DEPDC4: variants seen among roughly 807,000 people sequenced by gnomAD.
DEPDC4 encodes the protein DEP domain containing 4.
In DEPDC4, 52 loss-of-function variants were observed where a neutral mutation model predicts 52.0. That is an observed-to-expected ratio of 1.00 (90% CI 0.80 to 1.26). DEPDC4 has a LOEUF of 1.26. Ranked by LOEUF, DEPDC4 falls within the 50% of genes most tolerant of loss-of-function variation. DEPDC4 has a pLI of 0.00. For missense variants in DEPDC4, 530 were observed against 546.9 expected (o/e 0.97, Z 0.31); for synonymous variants, 201 against 196.8 (o/e 1.02, Z -0.18).
Position 100,252,403 on chromosome 12 carries a change from C to A in DEPDC4, c.1239G>T (p.Leu413Phe), listed in dbSNP as rs781348530. ...AMASEPNAYK[L>F]QKQYDNKTVV... Reference sequence around the variant, plus strand: ...TTGCAAAATTTTTCACCTGTTTTTGCAACTTGTAGGCATTGGGCTCTGATG... The same window carrying A: ...TTGCAAAATTTTTCACCTGTTTTTGAAACTTGTAGGCATTGGGCTCTGATG... Residue 413 changes from leucine to phenylalanine, a missense_variant, in exon 6 of 10, where the codon TTG (leucine) becomes TTT (phenylalanine). Coordinates refer to ENST00000550587, the MANE Select transcript of DEPDC4 (RefSeq NM_001364818.2). The A allele has an allele frequency of 1.9e-6, 3 of 1,558,060 alleles. No homozygotes were observed. Among genetic ancestry groups the A allele is most frequent in the Non-Finnish European group, 1.7e-6 (2 of 1,161,288 alleles).
chr12:100,235,231 A>G (rs1180913086), downstream of DEPDC4, among the ~76,000 whole-genome samples: 1 of 151,994 alleles, frequency 6.6e-6, no homozygotes, highest in African/African-American at 2.4e-5. Flanking sequence ...CTATTTCTAA[A>G]CTATATTTTA....
Position 100,241,639 on chromosome 12 carries a change from T to C in DEPDC4, c.*253A>G. 8.6e-7 allele frequency: 1 copy of C among 1,160,072 alleles called. No individual in the cohort carries two copies. The highest frequency in any genetic ancestry group is 1.1e-6 in the Non-Finnish European group (1 of 919,500). The allele number at this position is 1,160,072 out of a possible 1,614,324, so 71.9% of individuals were successfully genotyped here. On this transcript the variant is annotated 3_prime_UTR_variant, in exon 10 of 10. Coordinates refer to ENST00000550587, the MANE Select transcript of DEPDC4 (RefSeq NM_001364818.2). ...AAAACCACCAGAGAATTGTTTATATTTACAAATTGTAGTTTCTTGTATCAG... is the reference window on the plus strand; with the variant it reads ...AAAACCACCAGAGAATTGTTTATATCTACAAATTGTAGTTTCTTGTATCAG...
chr12:100,256,081 G>T lies in DEPDC4; in HGVS notation c.846C>A (p.Asp282Glu). 6.2e-7 allele frequency: 1 copy of T among 1,612,468 alleles called. No individual in the cohort carries two copies. The highest frequency in any genetic ancestry group is 2.2e-5 in the East Asian group (1 of 44,710). ...EDLVITNTCL[D>E]RELIPSLCLP... ...GACATAAGCTTGGAATAAGTTCTCT[G>T]TCTAGGCAAGTGTTAGTGATAACAA... The change falls in exon 4 of 10, where the codon GAC becomes GAA. Residue 282 changes from aspartate to glutamate, a missense_variant. Asp to Glu is a conservative substitution (Grantham distance 45, BLOSUM62 2). Coordinates refer to ENST00000550587, the MANE Select transcript of DEPDC4 (RefSeq NM_001364818.2).
chr12:100,253,445 T>A, intron 5 of DEPDC4, 44 bp downstream of exon 5: 2 of 849,318 alleles, frequency 2.4e-6, no homozygotes, highest in Non-Finnish European at 3.2e-6. Flanking sequence ...TATTTTAAAA[T>A]GTTTTATTAC....
intron 8 of DEPDC4, among the ~76,000 whole-genome samples, chr12:100,244,261 A>G (rs1389846274): frequency 8.6e-5 from 13 of 151,106 alleles, no homozygotes; most frequent in Non-Finnish European, 1.8e-4. Context: ...GCTCACTGCA[A>G]GCTCTGCCTC....
intron 1 of DEPDC4, among the ~76,000 whole-genome samples, chr12:100,264,339 A>G (rs10732235): frequency 0.64 from 96,787 of 152,018 alleles, 32,894 homozygotes; most frequent in East Asian, 0.99. Flanking sequence ...ATCAAGGCAA[A>G]GAACTAAATA....
downstream of DEPDC4, among the ~76,000 whole-genome samples, chr12:100,238,640 T>G (rs911213873): frequency 6.6e-6 from 1 of 150,464 alleles, no homozygotes; most frequent in South Asian, 2.1e-4. Flanking sequence ...CACCCACCAC[T>G]GTACCTGGCT....
chr12:100,265,989 C>A (rs2096271191), intron 1 of DEPDC4, among the ~76,000 whole-genome samples: 1 of 152,138 alleles, frequency 6.6e-6, no homozygotes, highest in Non-Finnish European at 1.5e-5. Flanking sequence ...TATCTAATTT[C>A]AGACCATTGC....
chr12:100,232,379 G>C (rs1350107098), intron 9 of DEPDC4, among the ~76,000 whole-genome samples: 2 of 145,684 alleles, frequency 1.4e-5, no homozygotes, highest in South Asian at 4.4e-4. Context: ...CTGGGCGACA[G>C]AGCAAGACTC....
chr12:100,272,971 T>C, the DEPDC4 span, among the ~76,000 whole-genome samples: 4 of 152,320 alleles, frequency 2.6e-5, no homozygotes, highest in Admixed American at 6.5e-5. Context: ...CTTGACCATA[T>C]TTCCTTTATT....
intron 9 of DEPDC4, among the ~76,000 whole-genome samples, chr12:100,231,704 G>A (rs960035377): frequency 6.6e-5 from 10 of 152,246 alleles, no homozygotes; most frequent in African/African-American, 2.2e-4. Flanking sequence ...TAGCATCCTT[G>A]AGCCATCTTT....
At chr12:100,281,001 T>C in the DEPDC4 span, among the ~76,000 whole-genome samples, 2 of 150,870 alleles carry the variant, frequency 1.3e-5, no homozygotes, top group Non-Finnish European at 3.0e-5. Flanking sequence ...TGTATTTTAT[T>C]GTCCCTTTAC....
chr12:100,247,109 A>G (rs11110313), intron 8 of DEPDC4, among the ~76,000 whole-genome samples: 53,077 of 151,722 alleles, frequency 0.35, 10,785 homozygotes, highest in African/African-American at 0.54. Context: ...AAGCTATTTA[A>G]GGAAAAATAT....
intron 3 of DEPDC4, 28 bp downstream of exon 3, chr12:100,262,236 T>A (rs2096255988): frequency 6.3e-7 from 1 of 1,594,838 alleles, no homozygotes; most frequent in Non-Finnish European, 8.5e-7. Context: ...CCTTACCATG[T>A]TCTGAAAAAA....
upstream of DEPDC4, among the ~76,000 whole-genome samples, chr12:100,270,900 C>A (rs894506060): frequency 1.3e-5 from 2 of 151,734 alleles, no homozygotes; most frequent in Non-Finnish European, 2.9e-5. Flanking sequence ...CTAGTAGGTA[C>A]CCAATAATTT....
chr12:100,243,695 T>C (rs973981259), intron 8 of DEPDC4, among the ~76,000 whole-genome samples: 5 of 152,054 alleles, frequency 3.3e-5, no homozygotes, highest in Admixed American at 2.0e-4. Context: ...CAGATCAGTA[T>C]GCTAAAATCT....
the DEPDC4 span, among the ~76,000 whole-genome samples, chr12:100,281,466 G>A: frequency 3.6e-3 from 544 of 152,192 alleles, 5 homozygotes; most frequent in African/African-American, 0.012. Flanking sequence ...CAAGATGGGA[G>A]GATCACTTGA....
chr12:100,246,767 TC>T (rs2096187370), intron 8 of DEPDC4, among the ~76,000 whole-genome samples: 1 of 152,068 alleles, frequency 6.6e-6, no homozygotes, highest in Non-Finnish European at 1.5e-5. Context: ...GGAAACCCTG[TC>T]TCTACCTAAA....
At position 100,263,571 on chromosome 12, in the gene DEPDC4, A is replaced by C. The variant is rs1271978798; in HGVS notation, c.480T>G (p.Phe160Leu). 6.2e-7 allele frequency: 1 copy of C among 1,611,884 alleles called. No individual in the cohort carries two copies. Among genetic ancestry groups the C allele is most frequent in the Non-Finnish European group, 8.5e-7 (1 of 1,179,448 alleles). ...FEDSNISLYRFLGNKSSYDCC... is the reference protein window; with the variant it reads ...FEDSNISLYRLLGNKSSYDCC... ...AATCGTAAGATGATTTATTGCCTAG[A>C]AACCTGTAGAGACTAATGTTGGAAT... The change falls in exon 2 of 10, where the codon TTT (phenylalanine) becomes TTG (leucine). Residue 160 changes from phenylalanine to leucine, a missense_variant. Physicochemically the swap from Phe to Leu is conservative, Grantham distance 22. Transcript: ENST00000550587.
Sources: allele counts gnomAD v4.1 joint callset (sites outside exome capture counted in the v4.1 genomes callset), GRCh38; gene constraint gnomAD v4.1.1; transcripts MANE v1.5; gene names NCBI Gene and HGNC (gene_info 2026-07-23, HGNC 2026-07-21).